Variants in RIC3 observed in about 807,000 individuals in gnomAD.
RIC3 encodes RIC3 acetylcholine receptor chaperone.
Under a neutral mutation model 27.3 loss-of-function variants are expected in RIC3, and 28 were observed. The observed-to-expected ratio is 1.02, with a 90% CI of 0.76 to 1.41. The LOEUF (loss-of-function observed/expected upper bound fraction) is 1.41, where lower values mean the gene tolerates loss of function less well. Ranked by LOEUF, RIC3 falls within the 40% of genes most tolerant of loss-of-function variation. The probability of loss-of-function intolerance (pLI) is 0.00; values close to 1 mark genes in which losing one functional copy is unlikely to be tolerated. For missense variants in RIC3, 501 were observed against 444.7 expected (o/e 1.13, Z -1.14); for synonymous variants, 184 against 160.4 (o/e 1.15, Z -1.11).
chr11:8,161,864 G>T (rs561719576), intron 1 of RIC3, among the ~76,000 whole-genome samples: 14 of 151,834 alleles, frequency 9.2e-5, no homozygotes, highest in African/African-American at 3.4e-4. Flanking sequence ...CCGGGCAATG[G>T]AATGTGAGGA....
chr11:8,110,664 G>A lies in RIC3; in HGVS notation c.*34C>T, dbSNP rs368642977. 2 of 1,589,838 alleles carry A rather than the reference G, an allele frequency of 1.3e-6. No homozygotes were observed. The stretch of plus-strand genomic sequence containing the variant: ...TCTGAGGAGAGAGAGGTCACCTTGG[G>A]ACTTGAGTAATGGATACTTCAGACT... On this transcript the variant is annotated 3_prime_UTR_variant, in exon 6 of 6. Coordinates refer to ENST00000309737, the MANE Select transcript of RIC3 (RefSeq NM_001206671.4).
chr11:8,105,521 A>G (rs953353270), downstream of RIC3: 4 of 152,196 alleles, frequency 2.6e-5, no homozygotes, highest in African/African-American at 7.2e-5. Context: ...ACCAAGTGGA[A>G]AGGCAAGTTG....
At chr11:8,112,709 T>C (rs1945413434) in intron 5 of RIC3, among the ~76,000 whole-genome samples, 1 of 152,254 alleles carries the variant, frequency 6.6e-6, no homozygotes, top group South Asian at 2.1e-4. Flanking sequence ...CTCCATGTCA[T>C]TAGGCATTTG....
downstream of RIC3, chr11:8,102,648 C>G (rs1590008246): frequency 6.6e-6 from 1 of 152,326 alleles, no homozygotes; most frequent in East Asian, 1.9e-4. Flanking sequence ...CTGCTGTCAG[C>G]CAAGTCATGG....
In RIC3 at chr11:8,168,891, C is replaced by A. The variant is rs112967829; in HGVS notation, c.99G>T (p.Arg33=). 2 of 1,611,232 alleles carry A rather than the reference C, an allele frequency of 1.2e-6. No individual in the cohort carries two copies. The highest frequency in any genetic ancestry group is 1.3e-5 in the African/African-American group (1 of 74,782). ...CTTCAGGTGTCGGCGGCGGCTCCTG[C>A]CGCTTCCCGCGGGACAGGAAGGCCT... ...LPKAFLSRGK[R]QEPPPTPEGK... is the part of the protein sequence containing the mutation. The change falls in exon 1 of 6, where the codon CGG becomes CGT. Residue 33 remains arginine (R), a synonymous_variant. Transcript: ENST00000309737.
intron 4 of RIC3, among the ~76,000 whole-genome samples, chr11:8,133,844 A>C (rs1410639080): frequency 6.6e-6 from 1 of 152,170 alleles, no homozygotes; most frequent in African/African-American, 2.4e-5. Context: ...TGGTGGAGTA[A>C]TTTGAGTTAA....
At position 8,111,093 on chromosome 11, in the gene RIC3, T is replaced by C; in HGVS notation, c.715A>G (p.Ile239Val). 1 of 1,613,458 alleles carries C rather than the reference T, an allele frequency of 6.2e-7. No homozygotes were observed. Among genetic ancestry groups the C allele is most frequent in the Non-Finnish European group, 8.5e-7 (1 of 1,179,644 alleles). The change falls in exon 6 of 6, where the codon ATC becomes GTC. Residue 239 changes from isoleucine (I) to valine (V), a missense_variant. Ile to Val is a conservative substitution (Grantham distance 29). Coordinates refer to ENST00000309737, the MANE Select transcript of RIC3 (RefSeq NM_001206671.4). ...AAGATTGTTTCTTGCCTACGCTTGA[T>C]ACAGTCTGAAAGGTCATAAATTGGG... ...TYPIYDLSDC[I>V]KRRQETILVD...
In RIC3 at chr11:8,162,629, C is replaced by CTTTT. The variant is rs757717970; in HGVS notation, c.124+6233_124+6236dup. 3.4e-3 allele frequency among the ~76,000 whole-genome samples: 284 copies of CTTTT among 83,744 alleles called. 6 individuals are homozygous for CTTTT. Among genetic ancestry groups the CTTTT allele is most frequent in the African/African-American group, 4.1e-3 (91 of 22,254 alleles). The allele number at this position is 83,744 out of a possible 152,430, so 54.9% of individuals were successfully genotyped here. On this transcript the variant is annotated intron_variant, in intron 1 of 5. Transcript: ENST00000309737. ...GATACTTCAAGGCTCCATGCTTCTT[C>CTTTT]TTTTTTTTTTTTTTTTTTTTTTTTT...
the RIC3 span, chr11:8,094,210 G>A: frequency 1.3e-6 from 2 of 1,595,362 alleles, no homozygotes; most frequent in Non-Finnish European, 8.5e-7. Flanking sequence ...ATTCTCTACA[G>A]CCCTCCCCAG....
At position 8,109,569 on chromosome 11, in the gene RIC3, C is replaced by G. The variant is rs1047530039; in HGVS notation, c.*1129G>C. ...AACACATGGTCTCTACCCCTGGGCA[C>G]TGCTATATTGGTTCTCTGCAACAGA... On this transcript the variant is annotated 3_prime_UTR_variant, in exon 6 of 6. Coordinates refer to ENST00000309737, the MANE Select transcript of RIC3 (RefSeq NM_001206671.4). 1 of 152,132 alleles carries G rather than the reference C, an allele frequency of 6.6e-6. No homozygotes were observed. Among genetic ancestry groups the G allele is most frequent in the East Asian group, 1.9e-4 (1 of 5,194 alleles). The allele number at this position is 152,132 out of a possible 1,614,324, so 9.4% of individuals were successfully genotyped here.
At chr11:8,103,557 C>T (rs566714346), downstream of RIC3, 7 of 152,748 alleles carry the variant, frequency 4.6e-5, no homozygotes, top group African/African-American at 1.4e-4. Context: ...GCCCACACCT[C>T]GGCCGTACAT....
At position 8,138,313 on chromosome 11, in the gene RIC3, T is replaced by C. The variant is rs1948640344; in HGVS notation, c.386A>G (p.Lys129Arg). Residue 129 changes from lysine to arginine, a missense_variant, in exon 3 of 6, where the codon AAA (lysine) becomes AGA (arginine). Lys to Arg is a conservative substitution (Grantham distance 26). Transcript: ENST00000309737. ...SKGKTTAEDG[K>R]CYTAMPGNTH... ...GTTTCCAGGCATGGCAGTATAGCATTTCCCATCCTCTGCAGTTGTTTTCCC... is the reference window on the plus strand; with the variant it reads ...GTTTCCAGGCATGGCAGTATAGCATCTCCCATCCTCTGCAGTTGTTTTCCC... The C allele has an allele frequency of 1.2e-6, 2 of 1,613,584 alleles. No individual in the cohort carries two copies. The highest frequency in any genetic ancestry group is 2.7e-5 in the African/African-American group (2 of 74,882).
intron 5 of RIC3, among the ~76,000 whole-genome samples, chr11:8,121,932 A>G (rs764296394): frequency 1.4e-4 from 21 of 152,102 alleles, no homozygotes; most frequent in Non-Finnish European, 2.6e-4. Flanking sequence ...CAGGCAGCAT[A>G]TAAGAAATAA....
intron 4 of RIC3, 93 bp from the exon 5 acceptor site, chr11:8,126,900 GA>G: frequency 6.9e-7 from 1 of 1,459,528 alleles, no homozygotes; most frequent in Non-Finnish European, 9.5e-7. Flanking sequence ...TACTGGAATA[GA>G]AAGTGCAATT....
chr11:8,149,954 T>C (rs1264043568), intron 1 of RIC3, among the ~76,000 whole-genome samples: 1 of 152,184 alleles, frequency 6.6e-6, no homozygotes, highest in African/African-American at 2.4e-5. Context: ...GAATGTACAG[T>C]AAGGGCTTTC....
chr11:8,106,732 G>A lies in RIC3; in HGVS notation c.*3966C>T, dbSNP rs1158943985. On this transcript the variant is annotated 3_prime_UTR_variant, in exon 6 of 6. Transcript: ENST00000309737. The stretch of plus-strand genomic sequence containing the variant: ...GCTGTGGCAGATTTGAAGGCAAAAG[G>A]AAGGGAGGCTACAGTTGTAGCTAGA... The A allele has an allele frequency of 1.3e-5, 2 of 152,378 alleles. No individual in the cohort carries two copies. Among genetic ancestry groups the A allele is most frequent in the Non-Finnish European group, 2.9e-5 (2 of 68,092 alleles). The allele number at this position is 152,378 out of a possible 1,614,324, so 9.4% of individuals were successfully genotyped here. A position where few individuals can be genotyped will look rare whatever the true frequency, so the allele number is the denominator to read the frequency against.
At chr11:8,130,073 T>C (rs1947501411) in intron 4 of RIC3, among the ~76,000 whole-genome samples, 1 of 152,250 alleles carries the variant, frequency 6.6e-6, no homozygotes, top group South Asian at 2.1e-4. Context: ...TCTTTATTTA[T>C]TTATTCTTCT....
chr11:8,093,370 A>T, the RIC3 span, among the ~76,000 whole-genome samples: 262 of 151,984 alleles, frequency 1.7e-3, 2 homozygotes, highest in Non-Finnish European at 6.8e-4. Context: ...AGAGGTGGGG[A>T]GTATGTGTTT....
chr11:8,167,380 G>A (rs542099179), intron 1 of RIC3, among the ~76,000 whole-genome samples: 1 of 152,116 alleles, frequency 6.6e-6, no homozygotes, highest in African/African-American at 2.4e-5. Flanking sequence ...TGTCATCAGG[G>A]GAAGTCTCTC....
Sources: allele counts gnomAD v4.1 joint callset (sites outside exome capture counted in the v4.1 genomes callset), GRCh38; gene constraint gnomAD v4.1.1; transcripts MANE v1.5; gene names NCBI Gene and HGNC (gene_info 2026-07-23, HGNC 2026-07-21).